Variants in EBF3 observed in about 807,000 individuals in gnomAD.
EBF3 encodes transcription factor COE3.
A neutral mutation model predicts 77.1 loss-of-function variants in EBF3; 18 were observed. That is an observed-to-expected ratio of 0.23 (90% confidence interval 0.16 to 0.35). EBF3 has a LOEUF of 0.35. Among genes scored for constraint, EBF3 ranks in the 10% least tolerant of loss-of-function variants. The pLI is 1.00. For missense variants in EBF3, 558 were observed against 860.0 expected, an observed-to-expected ratio of 0.65 and a Z score of 4.39; for synonymous variants, 350 against 343.5, an observed-to-expected ratio of 1.02 and a Z score of -0.21.
intron 6 of EBF3, among the ~76,000 whole-genome samples, chr10:129,948,259 CAAAAAA>C (rs71481027): frequency 4.4e-5 from 2 of 45,754 alleles, no homozygotes; most frequent in African/African-American, 9.4e-5. Flanking sequence ...AACTCCGTCT[CAAAAAA>C]AAAAAAAAAA....
At chr10:129,862,264 T>C (rs1171056965) in intron 10 of EBF3, among the ~76,000 whole-genome samples, 2 of 152,168 alleles carry the variant, frequency 1.3e-5, no homozygotes, top group African/African-American at 4.8e-5. Flanking sequence ...TGAATGAACG[T>C]CCTTGTGCAG....
At chr10:129,898,714 G>A (rs886661386) in intron 6 of EBF3, among the ~76,000 whole-genome samples, 1 of 152,206 alleles carries the variant, frequency 6.6e-6, no homozygotes, top group Non-Finnish European at 1.5e-5. Context: ...TACTTGCTGA[G>A]GTATTTGCAT....
intron 10 of EBF3, among the ~76,000 whole-genome samples, chr10:129,849,956 G>C (rs182796968): frequency 3.9e-4 from 59 of 152,388 alleles, no homozygotes; most frequent in African/African-American, 1.3e-3. Context: ...AGCTGTCAGC[G>C]TTGACTTGGG....
At chr10:129,926,887 G>A (rs1366222089) in intron 6 of EBF3, among the ~76,000 whole-genome samples, 3 of 152,144 alleles carry the variant, frequency 2.0e-5, no homozygotes, top group Non-Finnish European at 2.9e-5. Context: ...AGCGTTCCCC[G>A]AAACGGGGCT....
At chr10:129,948,629 T>TG (rs2134551564) in intron 6 of EBF3, among the ~76,000 whole-genome samples, 1 of 8,266 alleles carries the variant, frequency 1.2e-4, no homozygotes, top group East Asian at 5.5e-3. Context: ...AACTGGGGGG[T>TG]GGGGGGAGGT....
Position 129,842,350 on chromosome 10 carries a change from G to C in EBF3, c.1195-57C>G. ...CACCCCAGGCCCGGCCCAGCTGGCC[G>C]CACTCTCGGGGGCCCACCATGGTGG... On this transcript the variant is annotated intron_variant, in intron 12 of 16. Transcript: ENST00000440978. The surrounding 1 kb of genome is among the most constrained non-coding windows in gnomAD (Gnocchi z 4.4). 1 of 1,523,482 alleles carries C rather than the reference G, an allele frequency of 6.6e-7. No individual in the cohort carries two copies. The highest frequency in any genetic ancestry group is 1.3e-5 in the South Asian group (1 of 78,018). The allele number at this position is 1,523,482 out of a possible 1,614,324, so 94.4% of individuals were successfully genotyped here. A position where few individuals can be genotyped will look rare whatever the true frequency, so the allele number is the denominator to read the frequency against.
chr10:129,878,823 C>CTAAAA (rs1852985375), intron 6 of EBF3, among the ~76,000 whole-genome samples: 1 of 58,758 alleles, frequency 1.7e-5, no homozygotes, highest in Admixed American at 2.6e-4. Context: ...AAATCGGTCT[C>CTAAAA]AAAAAAAAAA....
intron 10 of EBF3, among the ~76,000 whole-genome samples, chr10:129,853,236 T>A (rs1232936597): frequency 6.6e-6 from 1 of 152,196 alleles, no homozygotes; most frequent in Non-Finnish European, 1.5e-5. Context: ...GCTTTTAGCA[T>A]TGCCTCTCCA....
chr10:129,858,851 G>T (rs1278499393), intron 10 of EBF3, among the ~76,000 whole-genome samples: 1 of 152,078 alleles, frequency 6.6e-6, no homozygotes, highest in Non-Finnish European at 1.5e-5. Context: ...GCAGGGAGAG[G>T]GTGGCATCCA....
chr10:129,840,866 G>A lies in EBF3; in HGVS notation c.1539C>T (p.Ser513=). 1 of 1,613,782 alleles carries A rather than the reference G, an allele frequency of 6.2e-7. No homozygotes were observed. Among genetic ancestry groups the A allele is most frequent in the Non-Finnish European group, 8.5e-7 (1 of 1,179,836 alleles). The change falls in exon 14 of 17, where the codon TCC becomes TCT. Residue 513 remains serine (S), a synonymous_variant. Transcript: ENST00000440978. ...VPGSPGFLNG[S]SANSPYGIVP... ...TACTGCCGTAGGGAGAGTTAGCGGA[G>A]GAGCCATTAAGAAATCCAGGCGAGC...
At chr10:129,958,903 G>C (rs1482987211) in intron 5 of EBF3, 31 bp downstream of exon 5, 4 of 1,580,792 alleles carry the variant, frequency 2.5e-6, no homozygotes, top group Non-Finnish European at 3.4e-6. Context: ...GAGGCAGCCC[G>C]CGCCCCCGCC....
chr10:129,917,054 C>T (rs958560056), intron 6 of EBF3, among the ~76,000 whole-genome samples: 2 of 152,112 alleles, frequency 1.3e-5, no homozygotes, highest in South Asian at 2.1e-4. Flanking sequence ...TAAACAAAAC[C>T]GGTTACTTGT....
At chr10:129,962,793 T>C in intron 3 of EBF3, 149 bp downstream of exon 3, 1 of 870,892 alleles carries the variant, frequency 1.1e-6, no homozygotes, top group Non-Finnish European at 1.8e-6. Flanking sequence ...GACTTATTGA[T>C]CGTTTATGTT....
At chr10:129,866,514 G>C (rs1336106208) in intron 10 of EBF3, among the ~76,000 whole-genome samples, 2 of 152,250 alleles carry the variant, frequency 1.3e-5, no homozygotes, top group African/African-American at 4.8e-5. Context: ...ACAACTGTAA[G>C]ATAGCAAGCA....
chr10:129,840,502 G>A, intron 14 of EBF3, 60 bp from the exon 15 acceptor site: 2 of 1,515,852 alleles, frequency 1.3e-6, no homozygotes, highest in South Asian at 1.2e-5. Context: ...CGGCGAGAGG[G>A]CACCAAAGGC....
At chr10:129,854,936 G>C (rs1198954397) in intron 10 of EBF3, among the ~76,000 whole-genome samples, 1 of 152,194 alleles carries the variant, frequency 6.6e-6, no homozygotes, top group African/African-American at 2.4e-5. Context: ...AAGACGTCAG[G>C]TCACCCTCCT....
intron 7 of EBF3, among the ~76,000 whole-genome samples, chr10:129,875,996 G>A (rs778276055): frequency 3.9e-5 from 6 of 152,260 alleles, no homozygotes; most frequent in Non-Finnish European, 8.8e-5. Context: ...TCCTAAACAT[G>A]ATAGGTTAAA....
chr10:129,913,273 CTG>C (rs2134305219), intron 6 of EBF3, among the ~76,000 whole-genome samples: 2 of 152,374 alleles, frequency 1.3e-5, no homozygotes, highest in East Asian at 3.9e-4. Flanking sequence ...TCCGGTGACT[CTG>C]TGTGCCTTTA....
At chr10:129,844,979 T>C (rs1318849659) in intron 11 of EBF3, among the ~76,000 whole-genome samples, 2 of 152,230 alleles carry the variant, frequency 1.3e-5, no homozygotes, top group African/African-American at 2.4e-5. Context: ...GATTGCTGCA[T>C]TTACAAGCTA....
Sources: allele counts gnomAD v4.1 joint callset (sites outside exome capture counted in the v4.1 genomes callset), GRCh38; gene constraint gnomAD v4.1.1; non-coding constraint Gnocchi (gnomAD v3.1); transcripts MANE v1.5; gene names NCBI Gene and HGNC (gene_info 2026-07-23, HGNC 2026-07-21).